DLGAP2: variants seen among roughly 807,000 people sequenced by gnomAD.
The protein encoded by DLGAP2 is DLG associated protein 2.
A neutral mutation model predicts 100.3 loss-of-function variants in DLGAP2; 26 were observed. The ratio of observed to expected loss-of-function variants is 0.26; its 90% CI spans 0.19 to 0.36. The LOEUF is 0.36. DLGAP2 is among the 10% of genes least tolerant of loss of function. DLGAP2 has a pLI of 1.00. For missense variants in DLGAP2, 1,858 were observed against 1,453.2 expected, an observed-to-expected ratio of 1.28 and a Z score of -4.53; for synonymous variants, 886 against 630.1, an observed-to-expected ratio of 1.41 and a Z score of -6.08.
intron 1 of DLGAP2, among the ~76,000 whole-genome samples, chr8:803,275 G>A (rs914046520): frequency 1.3e-5 from 2 of 152,080 alleles, no homozygotes; most frequent in East Asian, 1.9e-4. Flanking sequence ...TGGAGCTCAC[G>A]CCCCATTTTA....
chr8:1,450,396 G>A lies in DLGAP2; in HGVS notation c.107-50970G>A, dbSNP rs113314078. Among the ~76,000 whole-genome samples the A allele has an allele frequency of 3.1e-5, 4 of 130,214 alleles. 1 individual carries two copies. The highest frequency in any genetic ancestry group is 5.0e-5 in the Non-Finnish European group (3 of 59,618). The allele number at this position is 130,214 out of a possible 152,430, so 85.4% of individuals were successfully genotyped here. A position where few individuals can be genotyped will look rare whatever the true frequency, so the allele number is the denominator to read the frequency against. On this transcript the variant is annotated intron_variant, in intron 3 of 14. Coordinates refer to ENST00000637795, the MANE Select transcript of DLGAP2 (RefSeq NM_001346810.2). ...CTGTGAGGGTGAAGATGAGGTGGGC[G>A]GCCTCGGTGGCTGAGGCTGAGCTGT... is the stretch of plus-strand genomic sequence containing the variant.
intron 6 of DLGAP2, among the ~76,000 whole-genome samples, chr8:1,606,964 C>G (rs755520751): frequency 3.3e-5 from 5 of 152,178 alleles, no homozygotes; most frequent in Non-Finnish European, 7.3e-5. Flanking sequence ...GGATTACAGG[C>G]GTGAGCCACA....
At chr8:1,628,598 C>T (rs1185527723) in intron 7 of DLGAP2, among the ~76,000 whole-genome samples, 1 of 150,798 alleles carries the variant, frequency 6.6e-6, no homozygotes, top group Non-Finnish European at 1.5e-5. Flanking sequence ...TTCTCTCTGA[C>T]TTACTGTGGA....
chr8:1,322,400 T>G (rs1431688581), intron 3 of DLGAP2, among the ~76,000 whole-genome samples: 1 of 152,158 alleles, frequency 6.6e-6, no homozygotes. Context: ...GAAATGCATG[T>G]ACCCACCCGG....
At chr8:1,471,857 CA>C (rs141943626) in intron 3 of DLGAP2, among the ~76,000 whole-genome samples, 4,496 of 152,340 alleles carry the variant, frequency 0.03, 92 homozygotes, top group East Asian at 0.1. Flanking sequence ...CAGGAGCTCA[CA>C]AGTGCCGTGA....
At chr8:1,513,708 C>T (rs188379181) in intron 4 of DLGAP2, among the ~76,000 whole-genome samples, 4 of 152,210 alleles carry the variant, frequency 2.6e-5, no homozygotes, top group African/African-American at 9.7e-5. Flanking sequence ...ATGCAATTCC[C>T]TAAAAGTACA....
At chr8:1,312,274 G>C (rs1800630938) in intron 3 of DLGAP2, among the ~76,000 whole-genome samples, 1 of 152,216 alleles carries the variant, frequency 6.6e-6, no homozygotes, top group Non-Finnish European at 1.5e-5. Flanking sequence ...GTGACTTTGA[G>C]TCTGGTGATG....
chr8:1,306,937 C>G (rs933254914), intron 3 of DLGAP2, among the ~76,000 whole-genome samples: 1 of 152,114 alleles, frequency 6.6e-6, no homozygotes, highest in East Asian at 1.9e-4. Flanking sequence ...ACCTGTAAGA[C>G]TCTCAGAAGA....
chr8:845,267 T>C (rs1360648760), intron 1 of DLGAP2, among the ~76,000 whole-genome samples: 1 of 152,366 alleles, frequency 6.6e-6, no homozygotes, highest in South Asian at 2.1e-4. Context: ...GCCAGTCGTA[T>C]AGGAGGGTTC....
At chr8:1,106,181 A>AT (rs200661957) in intron 2 of DLGAP2, among the ~76,000 whole-genome samples, 12 of 126,412 alleles carry the variant, frequency 9.5e-5, no homozygotes, top group African/African-American at 3.4e-4. Flanking sequence ...CCATTCTAGG[A>AT]GGTTTTCTAC....
chr8:1,360,199 A>AGGGGCGGGGCTTCTCC (rs1801948201), intron 3 of DLGAP2, among the ~76,000 whole-genome samples: 4 of 101,746 alleles, frequency 3.9e-5, no homozygotes. Flanking sequence ...GGGTGTGCTC[A>AGGGGCGGGGCTTCTCC]GGGGCGGGGC....
Position 1,521,011 on chromosome 8 carries a change from G to A in DLGAP2, c.172+19580G>A, listed in dbSNP as rs115043229. ...CCTGAGGCTCCGCGTCCTGGCCGGC[G>A]TGTGGTACTGTTGGGGTCTGGATTC... On this transcript the variant is annotated intron_variant, in intron 4 of 14. Transcript: ENST00000637795. Among the ~76,000 whole-genome samples the A allele has an allele frequency of 9.9e-3, 1,509 of 152,292 alleles. 24 individuals are homozygous for A. The highest frequency in any genetic ancestry group is 0.034 in the African/African-American group (1,396 of 41,554).
At chr8:925,507 G>A (rs1039682934) in intron 2 of DLGAP2, among the ~76,000 whole-genome samples, 1 of 152,132 alleles carries the variant, frequency 6.6e-6, no homozygotes, top group Non-Finnish European at 1.5e-5. Flanking sequence ...TGACTTGGGG[G>A]GCAGCCTTGT....
intron 12 of DLGAP2, among the ~76,000 whole-genome samples, chr8:1,691,321 C>G (rs1004284651): frequency 6.6e-6 from 1 of 152,148 alleles, no homozygotes; most frequent in Admixed American, 6.5e-5. Context: ...AGGAGAATGT[C>G]CTCACAGTGA....
intron 3 of DLGAP2, among the ~76,000 whole-genome samples, chr8:1,456,986 A>G (rs982595212): frequency 2.6e-5 from 4 of 152,216 alleles, no homozygotes; most frequent in African/African-American, 9.6e-5. Context: ...CAGGCCTGCA[A>G]TTAGCCTTTC....
rs904461562 is a variant in DLGAP2 at position 1,546,653 on chromosome 8, C to T, written c.173-1973C>T. On this transcript the variant is annotated intron_variant, in intron 4 of 14. Transcript: ENST00000637795. ...GGGTTGGACACGATGGGAAAACTCT[C>T]ACTCCCCATCACTCTGCTTGCTTTC... Among the ~76,000 whole-genome samples the T allele has an allele frequency of 2.6e-5, 4 of 152,304 alleles. No homozygotes were observed. The South Asian group carries it at 8.3e-4, about 32-fold the overall frequency.
chr8:1,169,266 G>C (rs1323738516), intron 2 of DLGAP2, among the ~76,000 whole-genome samples: 13 of 152,326 alleles, frequency 8.5e-5, no homozygotes, highest in Middle Eastern at 3.4e-3. Flanking sequence ...CCAGTACCAT[G>C]CTGTTTTGGT....
intron 2 of DLGAP2, among the ~76,000 whole-genome samples, chr8:1,057,073 CATATTTTTCTGCATGAAAATGAGTTGTA>C (rs1802903961): frequency 6.6e-6 from 1 of 152,216 alleles, no homozygotes; most frequent in South Asian, 2.1e-4. Flanking sequence ...CTGTGAGATA[CATATTTTTCTGCATGAAAATGAGTTGTA>C]AAATTATTAC....
intron 2 of DLGAP2, among the ~76,000 whole-genome samples, chr8:1,169,756 T>C (rs1173639096): frequency 6.6e-6 from 1 of 151,766 alleles, no homozygotes; most frequent in African/African-American, 2.4e-5. Flanking sequence ...TTGCTGAAGT[T>C]GCTTATCAGC....
Sources: gnomAD v4.1 joint callset for allele counts (sites outside exome capture counted in the v4.1 genomes callset) on GRCh38, gnomAD v4.1.1 for gene constraint, MANE v1.5 for transcripts, NCBI Gene and HGNC (gene_info 2026-07-23, HGNC 2026-07-21) for gene names.